Variants in CAPN11 observed in about 807,000 individuals in gnomAD.
CAPN11 encodes calpain 11.
A neutral mutation model predicts 105.3 loss-of-function variants in CAPN11; 108 were observed. That is an observed-to-expected ratio of 1.03 (90% CI 0.88 to 1.20). CAPN11 has a LOEUF of 1.20. Among genes scored for constraint, CAPN11 ranks in the 50% most tolerant of loss-of-function variants. The pLI is 0.00. For synonymous variants in CAPN11, 329 were observed against 344.5 expected (o/e 0.96, Z 0.50); for missense variants, 883 against 924.8 (o/e 0.95, Z 0.59).
At chr6:44,180,698 G>A (rs751195666) in intron 16 of CAPN11, 36 bp downstream of exon 16, 3 of 1,613,620 alleles carry the variant, frequency 1.9e-6, no homozygotes, top group Non-Finnish European at 2.5e-6. Flanking sequence ...GACAGGAGGG[G>A]GATGAGGGGC....
In CAPN11 at chr6:44,167,522, TAGC is replaced by T. The variant is rs557691627; in HGVS notation, c.88+698_88+700del. Among the ~76,000 whole-genome samples, 39 of 73,132 alleles carry T rather than the reference TAGC, an allele frequency of 5.3e-4. 1 individual carries two copies. The East Asian group carries it at 0.014, about 26-fold the overall frequency. 48.0% of individuals were successfully genotyped at this position (73,132 alleles called of 152,430 possible). A position where few individuals can be genotyped will look rare whatever the true frequency, so the allele number is the denominator to read the frequency against. On this transcript the variant is annotated intron_variant, in intron 2 of 22. Coordinates refer to ENST00000398776, the MANE Select transcript of CAPN11 (RefSeq NM_007058.4). ...CAAAAAAAAAAAAAAAAAAAAAAAATAGCAGCATCTGTTTAGATGGTCTGGAGG... is the reference window on the plus strand; with the variant it reads ...CAAAAAAAAAAAAAAAAAAAAAAAATAGCATCTGTTTAGATGGTCTGGAGG...
rs113449469 is a variant in CAPN11 at position 44,181,581 on chromosome 6, T to A, written c.1938+261T>A. Among the ~76,000 whole-genome samples, 3 of 3,858 alleles carry A rather than the reference T, an allele frequency of 7.8e-4. No individual in the cohort carries two copies. In the South Asian group the frequency reaches 0.021, roughly 28 times the overall value. 2.5% of individuals were successfully genotyped at this position (3,858 alleles called of 152,430 possible). ...CATACAGACACAACCACACCACACA[T>A]ACACACTCACATACAGACACAACCA... On this transcript the variant is annotated intron_variant, in intron 19 of 22. Coordinates refer to ENST00000398776, the MANE Select transcript of CAPN11 (RefSeq NM_007058.4).
chr6:44,171,590 G>T (rs1771012248), intron 4 of CAPN11, among the ~76,000 whole-genome samples: 1 of 152,132 alleles, frequency 6.6e-6, no homozygotes, highest in Non-Finnish European at 1.5e-5. Context: ...CACCTTGGGA[G>T]GCCAAGGCAG....
chr6:44,180,724 G>A (rs1773000895), intron 16 of CAPN11, 24 bp from the exon 17 acceptor site: 2 of 1,613,534 alleles, frequency 1.2e-6, no homozygotes, highest in Non-Finnish European at 1.7e-6. Context: ...GGGCCCGAGT[G>A]GGGTTCACAG....
At chr6:44,169,240 A>C in intron 2 of CAPN11, 41 bp from the exon 3 acceptor site, 1 of 1,563,972 alleles carries the variant, frequency 6.4e-7, no homozygotes, top group South Asian at 1.2e-5. Context: ...AGCTTATTAC[A>C]TTTTTTACTT....
chr6:44,171,252 G>A (rs887365566), intron 4 of CAPN11, among the ~76,000 whole-genome samples: 8 of 152,196 alleles, frequency 5.3e-5, no homozygotes, highest in African/African-American at 1.9e-4. Flanking sequence ...GGGCTGAGAT[G>A]CCTAGGAGAC....
At chr6:44,160,069 G>A (rs1032432130) in intron 1 of CAPN11, among the ~76,000 whole-genome samples, 1 of 151,892 alleles carries the variant, frequency 6.6e-6, no homozygotes, top group Admixed American at 6.6e-5. Flanking sequence ...AGCAAGTGGA[G>A]GTTGCAGTGA....
At chr6:44,178,697 T>C (rs1419512292) in intron 12 of CAPN11, among the ~76,000 whole-genome samples, 1 of 135,964 alleles carries the variant, frequency 7.4e-6, no homozygotes, top group Non-Finnish European at 1.5e-5. Flanking sequence ...ACTTGGAGGA[T>C]GCCCAAAGAA....
intron 2 of CAPN11, chr6:44,168,853 T>C (rs1770467490): frequency 2.7e-6 from 1 of 374,120 alleles, no homozygotes; most frequent in East Asian, 7.6e-5. Context: ...ACTCCTGACC[T>C]CAGGTGATCC....
At chr6:44,164,574 A>T (rs1769470994) in intron 1 of CAPN11, among the ~76,000 whole-genome samples, 2 of 152,228 alleles carry the variant, frequency 1.3e-5, no homozygotes, top group African/African-American at 2.4e-5. Context: ...ATGCTAGCGC[A>T]GCCCCAAGTT....
Position 44,169,309 on chromosome 6 carries a change from G to A in CAPN11, c.117G>A (p.Val39=). ...CCACTTTTACTGATACGGGAATGGT[G>A]GCTCACATAAACAACAGCCGGCTCA... ...AEPTFTDTGM[V]AHINNSRLKA... Residue 39 remains valine, a synonymous_variant, in exon 3 of 23, where the codon GTG becomes GTA. Transcript: ENST00000398776. 7 of 1,611,934 alleles carry A rather than the reference G, an allele frequency of 4.3e-6. No homozygotes were observed. Among genetic ancestry groups the A allele is most frequent in the Non-Finnish European group, 5.9e-6 (7 of 1,179,136 alleles).
intron 2 of CAPN11, 109 bp downstream of exon 2, chr6:44,166,938 T>TGGGGTGGGGG: frequency 7.2e-6 from 2 of 276,480 alleles, no homozygotes; most frequent in East Asian, 9.6e-5. Flanking sequence ...TCATGTTGTG[T>TGGGGTGGGGG]GGGGAGGGCG....
At position 44,177,431 on chromosome 6, in the gene CAPN11, G is replaced by A. The variant is rs141633369; in HGVS notation, c.1416+11G>A. ...TTTGTCCTCTACGCGGTGGGTGCCT[G>A]GCTGGTCTCGCCCGCCACTCACTCT... is the stretch of plus-strand genomic sequence containing the variant. On this transcript the variant is annotated intron_variant, in intron 12 of 22. Coordinates refer to ENST00000398776, the MANE Select transcript of CAPN11 (RefSeq NM_007058.4). 271 of 1,599,654 alleles carry A rather than the reference G, an allele frequency of 1.7e-4. No homozygotes were observed. Among genetic ancestry groups the A allele is most frequent in the Non-Finnish European group, 2.2e-4 (256 of 1,170,590 alleles).
chr6:44,183,169 G>A lies in CAPN11; in HGVS notation c.2068G>A (p.Asp690Asn), dbSNP rs1169872168. 1.9e-6 allele frequency: 3 copies of A among 1,613,416 alleles called. No homozygotes were observed. Among genetic ancestry groups the A allele is most frequent in the Admixed American group, 3.3e-5 (2 of 60,014 alleles). The change falls in exon 21 of 23, where the codon GAT (aspartate) becomes AAT (asparagine). Residue 690 changes from aspartate to asparagine, a missense_variant. Transcript: ENST00000398776. Reference protein sequence around the residue: ...VMQVLVARYADDDLIIDFDSF... With the variant: ...VMQVLVARYANDDLIIDFDSF... ...GCAGGTCCTGGTGGCCAGGTATGCAGATGATGACCTGATCATAGACTTTGA... is the reference window on the plus strand; with the variant it reads ...GCAGGTCCTGGTGGCCAGGTATGCAAATGATGACCTGATCATAGACTTTGA...
At chr6:44,175,650 G>A (rs867365881) in intron 7 of CAPN11, among the ~76,000 whole-genome samples, 2 of 151,926 alleles carry the variant, frequency 1.3e-5, no homozygotes, top group Non-Finnish European at 2.9e-5. Flanking sequence ...GGTGGCGGGC[G>A]CCTGTAATCC....
chr6:44,180,542 G>C (rs1243682502), intron 15 of CAPN11, 43 bp downstream of exon 15: 1 of 1,613,606 alleles, frequency 6.2e-7, no homozygotes, highest in Admixed American at 1.7e-5. Context: ...GGAAGCTCCT[G>C]GGCCTGTGAA....
intron 7 of CAPN11, among the ~76,000 whole-genome samples, chr6:44,174,862 C>A (rs549787142): frequency 1.3e-5 from 2 of 152,048 alleles, no homozygotes; most frequent in Non-Finnish European, 2.9e-5. Context: ...TCAGGTGATC[C>A]GCCTGCCTTG....
chr6:44,181,354 G>C (rs770741327), intron 19 of CAPN11, 34 bp downstream of exon 19: 2 of 1,585,938 alleles, frequency 1.3e-6, no homozygotes, highest in Non-Finnish European at 1.7e-6. Context: ...CTCCAGGGGT[G>C]AGGAAAAGAG....
At chr6:44,163,647 G>A (rs940363857) in intron 1 of CAPN11, among the ~76,000 whole-genome samples, 3 of 152,136 alleles carry the variant, frequency 2.0e-5, no homozygotes, top group African/African-American at 4.8e-5. Flanking sequence ...AATGCACATC[G>A]GGTGTTTAGA....
Sources: allele counts gnomAD v4.1 joint callset (sites outside exome capture counted in the v4.1 genomes callset), GRCh38; gene constraint gnomAD v4.1.1; transcripts MANE v1.5; gene names NCBI Gene and HGNC (gene_info 2026-07-23, HGNC 2026-07-21).